CDH9: variants seen among roughly 807,000 people sequenced by gnomAD.
CDH9 encodes the protein cadherin-9.
Under a neutral mutation model 70.9 loss-of-function variants are expected in CDH9, and 28 were observed. The observed-to-expected ratio is 0.40, with a 90% CI of 0.29 to 0.54. The LOEUF (loss-of-function observed/expected upper bound fraction) is 0.54, where lower values mean the gene tolerates loss of function less well. CDH9 is among the 20% of genes least tolerant of loss of function. The pLI, the probability that CDH9 is intolerant of heterozygous loss-of-function variation, is 0.59. For missense variants in CDH9, 874 were observed against 984.4 expected (o/e 0.89, Z 1.50); for synonymous variants, 409 against 343.1 (o/e 1.19, Z -2.12).
At chr5:26,949,791 TAGG>T in intron 2 of CDH9, among the ~76,000 whole-genome samples, 1 of 152,302 alleles carries the variant, frequency 6.6e-6, no homozygotes, top group African/African-American at 2.4e-5. Context: ...ATCTCTTTTG[TAGG>T]AGACTTCCCA....
chr5:26,908,994 T>G (rs962376151), intron 3 of CDH9, among the ~76,000 whole-genome samples: 1 of 151,914 alleles, frequency 6.6e-6, no homozygotes, highest in African/African-American at 2.4e-5. Flanking sequence ...TTAATTTTTG[T>G]TTTTTTTGAG....
chr5:26,917,970 T>C (rs1561194542), intron 2 of CDH9, among the ~76,000 whole-genome samples: 1 of 152,210 alleles, frequency 6.6e-6, no homozygotes, highest in Non-Finnish European at 1.5e-5. Flanking sequence ...TGTTTGTTTT[T>C]AAATCTAAGT....
Position 26,915,943 on chromosome 5 carries a change from G to A in CDH9, c.229-19C>T, listed in dbSNP as rs1031690033. ...TGTGAAGCTTTAGAGAGGTAGAAAA[G>A]AAGAGTTCTGTAAATATATACATTA... On this transcript the variant is annotated intron_variant, in intron 2 of 11. Transcript: ENST00000231021. 1 of 1,536,724 alleles carries A rather than the reference G, an allele frequency of 6.5e-7. No homozygotes were observed. The highest frequency in any genetic ancestry group is 2.3e-5 in the East Asian group (1 of 44,320).
chr5:26,902,824 A>G (rs555817244), intron 6 of CDH9, 95 bp from the exon 7 acceptor site: 2 of 656,586 alleles, frequency 3.0e-6, no homozygotes, highest in African/African-American at 1.8e-5. Flanking sequence ...TCATGATTAT[A>G]CCAACAATTC....
chr5:27,009,782 A>C (rs565930162), intron 1 of CDH9, among the ~76,000 whole-genome samples: 1 of 152,220 alleles, frequency 6.6e-6, no homozygotes, highest in South Asian at 2.1e-4. Flanking sequence ...TGCCTTATCT[A>C]TTTGACTCCA....
intron 1 of CDH9, among the ~76,000 whole-genome samples, chr5:27,030,477 A>T (rs1266144952): frequency 6.6e-6 from 1 of 151,586 alleles, no homozygotes; most frequent in Non-Finnish European, 1.5e-5. Context: ...AACCAGGGAA[A>T]GCAGAAAAGC....
At chr5:26,967,577 T>C (rs1385402760) in intron 2 of CDH9, among the ~76,000 whole-genome samples, 3 of 152,176 alleles carry the variant, frequency 2.0e-5, no homozygotes, top group African/African-American at 7.2e-5. Flanking sequence ...TAGGTACTTT[T>C]TTAGATACTA....
intron 7 of CDH9, among the ~76,000 whole-genome samples, chr5:26,899,126 A>G (rs1051283832): frequency 5.9e-5 from 9 of 152,192 alleles, no homozygotes; most frequent in Non-Finnish European, 1.3e-4. Flanking sequence ...ATGAGACACC[A>G]TCTCCATCAA....
chr5:26,926,447 C>T (rs920566935), intron 2 of CDH9, among the ~76,000 whole-genome samples: 1 of 152,036 alleles, frequency 6.6e-6, no homozygotes, highest in African/African-American at 2.4e-5. Context: ...AAAGAGCACA[C>T]AAACAAATGG....
intron 2 of CDH9, among the ~76,000 whole-genome samples, chr5:26,957,389 T>C (rs1480753389): frequency 6.6e-6 from 1 of 152,122 alleles, no homozygotes; most frequent in African/African-American, 2.4e-5. Context: ...TGGCAGGGCC[T>C]GGTGGCTCAC....
rs1298157417 is a variant in CDH9 at position 26,902,526 on chromosome 5, G to A, written c.1203C>T (p.Ile401=). ...GATCGTATGCTGTAACCTGTCCAAT[G>A]ATACTGCCCTCCTTTACATCTTCAT... The part of the protein sequence containing the change: ...EVDEDVKEGS[I]IGQVTAYDPD... The change falls in exon 7 of 12, where the codon ATC becomes ATT. Residue 401 remains isoleucine (I), a synonymous_variant. Transcript: ENST00000231021. 1.2e-6 allele frequency: 2 copies of A among 1,602,776 alleles called. No homozygotes were observed. Among genetic ancestry groups the A allele is most frequent in the Non-Finnish European group, 1.7e-6 (2 of 1,170,198 alleles).
intron 1 of CDH9, among the ~76,000 whole-genome samples, chr5:26,998,073 T>A (rs1013666959): frequency 6.6e-6 from 1 of 152,104 alleles, no homozygotes; most frequent in African/African-American, 2.4e-5. Context: ...ATATGGAGCA[T>A]GAAATTGGAC....
intron 1 of CDH9, among the ~76,000 whole-genome samples, chr5:27,021,177 G>C (rs1488668719): frequency 6.6e-6 from 1 of 151,758 alleles, no homozygotes; most frequent in Non-Finnish European, 1.5e-5. Context: ...ATCCAAAAGA[G>C]GGAGCTAAAG....
chr5:27,008,362 T>A (rs1020535291), intron 1 of CDH9, among the ~76,000 whole-genome samples: 1 of 151,754 alleles, frequency 6.6e-6, no homozygotes, highest in African/African-American at 2.4e-5. Flanking sequence ...TGGTGGCGGG[T>A]GCCTGTAATA....
At position 26,902,552 on chromosome 5, in the gene CDH9, C is replaced by T; in HGVS notation, c.1177G>A (p.Asp393Asn). 1 of 1,593,024 alleles carries T rather than the reference C, an allele frequency of 6.3e-7. No individual in the cohort carries two copies. Among genetic ancestry groups the T allele is most frequent in the East Asian group, 2.2e-5 (1 of 44,728 alleles). ...ATACTGCCCTCCTTTACATCTTCAT[C>T]TACTTCTATCAAGTAAGAGACTTTA... ...FTKVSYLIEV[D>N]EDVKEGSIIG... Residue 393 changes from aspartate to asparagine, a missense_variant, in exon 7 of 12, where the codon GAT (aspartate) becomes AAT (asparagine). Physicochemically the swap from Asp to Asn is conservative, Grantham distance 23 (BLOSUM62 1). Transcript: ENST00000231021.
At chr5:26,990,093 G>T (rs866216624) in intron 1 of CDH9, among the ~76,000 whole-genome samples, 1 of 152,238 alleles carries the variant, frequency 6.6e-6, no homozygotes, top group East Asian at 1.9e-4. Flanking sequence ...ATGTAGAAGA[G>T]TTATCACAGT....
chr5:26,889,645 T>C (rs1158280360), intron 9 of CDH9, among the ~76,000 whole-genome samples, 191 bp downstream of exon 9: 1 of 150,502 alleles, frequency 6.6e-6, no homozygotes, highest in Non-Finnish European at 1.5e-5. Flanking sequence ...ATATTATTGA[T>C]TCCATTATAA....
At chr5:26,908,563 G>T (rs1045672112) in intron 3 of CDH9, among the ~76,000 whole-genome samples, 3 of 151,988 alleles carry the variant, frequency 2.0e-5, no homozygotes, top group Admixed American at 6.6e-5. Context: ...TTCATAATGG[G>T]TACAGGTAAA....
At chr5:26,964,006 T>TAAA (rs1742084462) in intron 2 of CDH9, among the ~76,000 whole-genome samples, 4 of 152,256 alleles carry the variant, frequency 2.6e-5, no homozygotes, top group African/African-American at 9.6e-5. Context: ...AACATTAACC[T>TAAA]TTTCCATAAA....
Sources: gnomAD v4.1 joint callset for allele counts (sites outside exome capture counted in the v4.1 genomes callset) on GRCh38, gnomAD v4.1.1 for gene constraint, MANE v1.5 for transcripts, NCBI Gene and HGNC (gene_info 2026-07-23, HGNC 2026-07-21) for gene names.